The following CNTN3 variants were observed in gnomAD, a reference collection of about 807,000 sequenced individuals.
CNTN3 encodes contactin-3.
A neutral mutation model predicts 119.1 loss-of-function variants in CNTN3; 60 were observed. The observed-to-expected ratio is 0.50, with a 90% CI of 0.41 to 0.62. The LOEUF (loss-of-function observed/expected upper bound fraction) is 0.62. Ranked by LOEUF, CNTN3 falls within the 20% of genes least tolerant of loss-of-function variation. CNTN3 has a pLI of 0.00. For missense variants in CNTN3, 1,101 were observed against 1,242.4 expected (o/e 0.89, Z 1.71); for synonymous variants, 450 against 438.7 (o/e 1.03, Z -0.32).
chr3:74,421,650 T>C (rs1701617999), intron 5 of CNTN3, among the ~76,000 whole-genome samples: 1 of 151,946 alleles, frequency 6.6e-6, no homozygotes. Context: ...GAAGTGAATA[T>C]AGCTAACACA....
intron 1 of CNTN3, among the ~76,000 whole-genome samples, chr3:74,528,972 T>C (rs1035387602): frequency 5.3e-5 from 8 of 151,776 alleles, no homozygotes; most frequent in Non-Finnish European, 1.2e-4. Context: ...ACCACAAACA[T>C]AAGGTGCAAA....
At chr3:74,456,842 G>A (rs1399067920) in intron 4 of CNTN3, among the ~76,000 whole-genome samples, 1 of 151,918 alleles carries the variant, frequency 6.6e-6, no homozygotes, top group Non-Finnish European at 1.5e-5. Flanking sequence ...AGTTTGAAAT[G>A]TTCTTTTTAT....
At chr3:74,486,276 A>G (rs530006414) in intron 4 of CNTN3, among the ~76,000 whole-genome samples, 180 bp downstream of exon 4, 3 of 152,048 alleles carry the variant, frequency 2.0e-5, no homozygotes, top group African/African-American at 7.2e-5. Flanking sequence ...ACACACACAC[A>G]CATTTAAAGC....
At chr3:74,589,902 T>A (rs1197047501) in intron 1 of CNTN3, among the ~76,000 whole-genome samples, 2 of 132,146 alleles carry the variant, frequency 1.5e-5, no homozygotes, top group African/African-American at 2.8e-5. Flanking sequence ...ATGGGAATTG[T>A]ACAATGAGAA....
At chr3:74,490,291 T>G (rs929790311) in intron 3 of CNTN3, among the ~76,000 whole-genome samples, 1 of 152,230 alleles carries the variant, frequency 6.6e-6, no homozygotes, top group African/African-American at 2.4e-5. Context: ...AAGATGCAGT[T>G]AAGTTCAAAC....
At chr3:74,455,206 C>T (rs1417661750) in intron 4 of CNTN3, among the ~76,000 whole-genome samples, 2 of 151,816 alleles carry the variant, frequency 1.3e-5, no homozygotes, top group Non-Finnish European at 2.9e-5. Flanking sequence ...TTGTTCATTT[C>T]TATTTTTTTT....
intron 5 of CNTN3, among the ~76,000 whole-genome samples, chr3:74,378,053 G>C (rs1255831413): frequency 6.6e-6 from 1 of 152,134 alleles, no homozygotes; most frequent in Non-Finnish European, 1.5e-5. Flanking sequence ...ATGCCAACTG[G>C]GAAGTCTGAC....
intron 2 of CNTN3, among the ~76,000 whole-genome samples, chr3:74,508,651 CTT>C (rs34390369): frequency 2.0e-5 from 3 of 151,926 alleles, no homozygotes; most frequent in African/African-American, 7.3e-5. Context: ...GGACTGTTAA[CTT>C]TTTTCCTTTA....
intron 1 of CNTN3, among the ~76,000 whole-genome samples, chr3:74,545,907 C>A (rs1050175235): frequency 9.2e-5 from 14 of 152,174 alleles, no homozygotes; most frequent in Non-Finnish European, 2.9e-5. Context: ...AGGGTCCAAT[C>A]TCTGCTCCTT....
chr3:74,342,625 A>G (rs888750609), intron 11 of CNTN3, among the ~76,000 whole-genome samples: 3 of 152,234 alleles, frequency 2.0e-5, no homozygotes, highest in Non-Finnish European at 2.9e-5. Context: ...CCACATATTC[A>G]TAAGTTAAAA....
rs138624414 is a variant in CNTN3 at position 74,507,575 on chromosome 3, A to C, written c.56-7790T>G. ...GTGTTTGTAAATGTCTGAGTGTATAAACACCATCTACTTCTCCCTCCCTGT... is the reference window on the plus strand; with the variant it reads ...GTGTTTGTAAATGTCTGAGTGTATACACACCATCTACTTCTCCCTCCCTGT... On this transcript the variant is annotated intron_variant, in intron 2 of 22. Coordinates refer to ENST00000263665, the MANE Select transcript of CNTN3 (RefSeq NM_020872.3). 7.5e-4 allele frequency among the ~76,000 whole-genome samples: 114 copies of C among 151,796 alleles called. 2 individuals carry two copies. Among genetic ancestry groups the C allele is most frequent in the African/African-American group, 2.6e-3 (107 of 41,450 alleles).
Position 74,562,300 on chromosome 3 carries a change from T to C in CNTN3, c.-80-41108A>G, listed in dbSNP as rs536407042. 7.9e-5 allele frequency among the ~76,000 whole-genome samples: 12 copies of C among 152,320 alleles called. No homozygotes were observed. In the South Asian group the frequency reaches 1.9e-3, roughly 24 times the overall value. ...TTAGGACCTGCTTTCATTGCACTGG[T>C]GTTATTTTCATAATTTCCCAAAATG... On this transcript the variant is annotated intron_variant, in intron 1 of 22. Transcript: ENST00000263665.
chr3:74,534,584 T>G (rs1430845390), intron 1 of CNTN3, among the ~76,000 whole-genome samples: 2 of 152,010 alleles, frequency 1.3e-5, no homozygotes, highest in African/African-American at 4.8e-5. Context: ...ACAAATGAAG[T>G]AGAATAGAAC....
chr3:74,359,203 A>G (rs560611467), intron 11 of CNTN3, among the ~76,000 whole-genome samples: 1 of 152,240 alleles, frequency 6.6e-6, no homozygotes, highest in Admixed American at 6.5e-5. Context: ...CTTCACAGTG[A>G]CCAACCAACC....
At chr3:74,576,755 A>C (rs978086195) in intron 1 of CNTN3, among the ~76,000 whole-genome samples, 1 of 152,098 alleles carries the variant, frequency 6.6e-6, no homozygotes, top group African/African-American at 2.4e-5. Flanking sequence ...TCTATTTAGA[A>C]ATGTAGGAAG....
Position 74,306,634 on chromosome 3 carries a change from CT to C in CNTN3, c.1669-3828del, listed in dbSNP as rs565690337. Among the ~76,000 whole-genome samples the C allele has an allele frequency of 2.6e-5, 4 of 152,214 alleles. No homozygotes were observed. The South Asian group carries it at 8.3e-4, about 32-fold the overall frequency. ...TAATTCTGTTTTCCAGAAAGCACAT[CT>C]TTTTTTCTATGCTGCTGTCCACAAT... On this transcript the variant is annotated intron_variant, in intron 13 of 22. Transcript: ENST00000263665.
At chr3:74,612,902 C>T (rs895530888) in intron 1 of CNTN3, among the ~76,000 whole-genome samples, 5 of 152,154 alleles carry the variant, frequency 3.3e-5, no homozygotes, top group African/African-American at 9.7e-5. Context: ...GTGACATGCA[C>T]GTATTAGGCA....
chr3:74,596,491 A>C (rs531311354), intron 1 of CNTN3, among the ~76,000 whole-genome samples: 1 of 152,264 alleles, frequency 6.6e-6, no homozygotes, highest in East Asian at 1.9e-4. Flanking sequence ...AAACAGAGAT[A>C]TAGATCAATG....
intron 13 of CNTN3, 119 bp downstream of exon 13, chr3:74,334,616 C>A: frequency 2.2e-6 from 2 of 918,092 alleles, no homozygotes; most frequent in Non-Finnish European, 3.2e-6. Context: ...ACCACTCAAC[C>A]AAAACCACTT....
Sources: allele counts gnomAD v4.1 joint callset (sites outside exome capture counted in the v4.1 genomes callset), GRCh38; gene constraint gnomAD v4.1.1; transcripts MANE v1.5; gene names NCBI Gene and HGNC (gene_info 2026-07-23, HGNC 2026-07-21).